Variants in GAK observed in about 807,000 individuals in gnomAD.
GAK encodes cyclin G associated kinase.
GAK carries 79 observed loss-of-function variants against 143.9 expected under a neutral mutation model. That is an observed-to-expected ratio of 0.55 (90% CI 0.46 to 0.66). The LOEUF is 0.66. GAK is among the 30% of genes least tolerant of loss of function. GAK has a pLI of 0.00. For synonymous variants in GAK, 881 were observed against 765.5 expected, an observed-to-expected ratio of 1.15 and a Z score of -2.49; for missense variants, 1,693 against 1,779.7, an observed-to-expected ratio of 0.95 and a Z score of 0.88.
rs569030277 is a variant in GAK, at chr4:896,027, T to A, written c.741+433A>T. On this transcript the variant is annotated intron_variant, in intron 7 of 27. Coordinates refer to ENST00000314167, the MANE Select transcript of GAK (RefSeq NM_005255.4). ...CTGTAATCGCAGCACTTTGGGAGGC[T>A]GAGGCAGGTGGACCGCTTGAGCTCA... Among the ~76,000 whole-genome samples, 44 of 152,286 alleles carry A rather than the reference T, an allele frequency of 2.9e-4. 1 individual carries two copies. In the South Asian group the frequency reaches 8.1e-3, roughly 28 times the overall value.
intron 5 of GAK, among the ~76,000 whole-genome samples, chr4:904,258 CGGG>C (rs1720631140): frequency 9.2e-6 from 1 of 108,396 alleles, no homozygotes; most frequent in African/African-American, 3.7e-5. Context: ...CCTAACCGAG[CGGG>C]ACCCGCACAC....
In GAK at chr4:865,052, G is replaced by A. The variant is rs1349085386; in HGVS notation, c.3166+70C>T. 20 of 1,562,312 alleles carry A rather than the reference G, an allele frequency of 1.3e-5. No individual in the cohort carries two copies. In the South Asian group the frequency reaches 1.4e-4, roughly 11 times the overall value. On this transcript the variant is annotated intron_variant, in intron 23 of 27. Transcript: ENST00000314167. Reference sequence around the variant, plus strand: ...GCAGAGAGGGCCCTGTTACAGGTACGTGTGAAATAGAGACGGGCCACAGCA... The same window carrying A: ...GCAGAGAGGGCCCTGTTACAGGTACATGTGAAATAGAGACGGGCCACAGCA...
intron 9 of GAK, 97 bp from the exon 10 acceptor site, chr4:890,719 T>C (rs577486278): frequency 1.1e-6 from 1 of 919,252 alleles, no homozygotes; most frequent in South Asian, 1.5e-5. Flanking sequence ...TCAGAGCCCA[T>C]CCTTCTGCCC....
At chr4:902,605 A>AAAAAAAAAAAAAAAAAAAAC (rs1180561371) in intron 5 of GAK, among the ~76,000 whole-genome samples, 3 of 130,386 alleles carry the variant, frequency 2.3e-5, no homozygotes, top group East Asian at 2.4e-4. Context: ...TCAAAAAAAA[A>AAAAAAAAAAAAAAAAAAAAC]AAAAAAAAAC....
chr4:909,222 C>T (rs140203264), intron 4 of GAK, among the ~76,000 whole-genome samples: 67 of 152,370 alleles, frequency 4.4e-4, no homozygotes, highest in Middle Eastern at 3.4e-3. Context: ...ACACCACGAG[C>T]GGGAGGCCCC....
At chr4:930,785 A>C (rs1437866267) in intron 1 of GAK, among the ~76,000 whole-genome samples, 1 of 152,164 alleles carries the variant, frequency 6.6e-6, no homozygotes. Context: ...AATCATACCC[A>C]AAATCTGTTT....
At chr4:924,264 A>ACAAGAATG (rs1724343062) in intron 1 of GAK, among the ~76,000 whole-genome samples, 1 of 151,948 alleles carries the variant, frequency 6.6e-6, no homozygotes, top group South Asian at 2.1e-4. Context: ...CTGCACACTC[A>ACAAGAATG]CAAGAATGGA....
chr4:910,112 C>T (rs868466358), intron 4 of GAK, among the ~76,000 whole-genome samples: 20 of 152,250 alleles, frequency 1.3e-4, no homozygotes, highest in Middle Eastern at 6.8e-3. Flanking sequence ...GCCAGGGGCC[C>T]GCAGGCAGTC....
rs1035741119 is a variant in GAK, at chr4:883,326, A to G, written c.1393T>C (p.Phe465Leu). The G allele has an allele frequency of 6.2e-7, 1 of 1,613,202 alleles. No individual in the cohort carries two copies. The highest frequency in any genetic ancestry group is 8.5e-7 in the Non-Finnish European group (1 of 1,179,944). ...CTGTGGCCACACACCCGGTTGTGGA[A>G]CCTGGAGGGCCGGTAGGTCCTCGGG... ...LSPRTYRPSRFHNRVSECGWA... is the reference protein window; with the variant it reads ...LSPRTYRPSRLHNRVSECGWA... The change falls in exon 13 of 28, where the codon TTC (phenylalanine) becomes CTC (leucine). Residue 465 changes from phenylalanine to leucine, a missense_variant. Coordinates refer to ENST00000314167, the MANE Select transcript of GAK (RefSeq NM_005255.4).
rs541604803 is a variant in GAK, at chr4:932,254, T to C, written c.-67A>G. The C allele has an allele frequency of 1.2e-4, 176 of 1,456,538 alleles. No homozygotes were observed. In the African/African-American group the frequency reaches 2.1e-3, roughly 18 times the overall value. 90.2% of individuals were successfully genotyped at this position (1,456,538 alleles called of 1,614,324 possible). A position where few individuals can be genotyped will look rare whatever the true frequency, so the allele number is the denominator to read the frequency against. ...GGCTCGGGCTCCCGCTCCCTCGCCG[T>C]CCGGGTCAGCTCAGCAACCGCCGGC... On this transcript the variant is annotated 5_prime_UTR_variant, in exon 1 of 28. Coordinates refer to ENST00000314167, the MANE Select transcript of GAK (RefSeq NM_005255.4). This position sits in a 1 kb window ranked among gnomAD's most constrained non-coding sequence, Gnocchi z 4.0.
Position 877,651 on chromosome 4 carries a change from C to A in GAK, c.1820G>T (p.Arg607Leu). Residue 607 changes from arginine to leucine, a missense_variant, in exon 16 of 28, where the codon CGT becomes CTT. Physicochemically the swap from Arg to Leu is moderately radical, Grantham distance 102. Transcript: ENST00000314167. ...PFCEVYVGDE[R>L]VASTSQEYDK... ...GTACTCCTGGGAGGTGCTGGCCACA[C>A]GCTCGTCCCCCACGTAGACCTCGCA... The A allele has an allele frequency of 6.2e-7, 1 of 1,605,934 alleles. No individual in the cohort carries two copies. Among genetic ancestry groups the A allele is most frequent in the Non-Finnish European group, 8.5e-7 (1 of 1,175,564 alleles).
chr4:874,072 T>C (rs1713288181), intron 18 of GAK, among the ~76,000 whole-genome samples: 1 of 152,206 alleles, frequency 6.6e-6, no homozygotes, highest in African/African-American at 2.4e-5. Flanking sequence ...CTCTGCTTCC[T>C]GGTGATGGAG....
intron 10 of GAK, among the ~76,000 whole-genome samples, 164 bp from the exon 11 acceptor site, chr4:889,134 C>T (rs1260409338): frequency 6.6e-6 from 1 of 152,004 alleles, no homozygotes; most frequent in East Asian, 1.9e-4. Flanking sequence ...GCAGCAGGAG[C>T]AGGGAGTGGG....
chr4:895,265 A>C (rs1183278786), intron 7 of GAK, among the ~76,000 whole-genome samples: 1 of 152,180 alleles, frequency 6.6e-6, no homozygotes, highest in African/African-American at 2.4e-5. Context: ...ACAATCAGCG[A>C]CTTCTCGTCA....
chr4:900,593 C>T (rs946990375), intron 5 of GAK, among the ~76,000 whole-genome samples: 4 of 152,152 alleles, frequency 2.6e-5, no homozygotes, highest in Non-Finnish European at 4.4e-5. Context: ...CTCAGAGACT[C>T]CTCAGGAAGA....
Position 849,422 on chromosome 4 carries a change from AC to A in GAK, c.*250del, listed in dbSNP as rs1747655465. 1.8e-6 allele frequency: 1 copy of A among 547,522 alleles called. No homozygotes were observed. The allele number at this position is 547,522 out of a possible 1,614,324, so 33.9% of individuals were successfully genotyped here. A position where few individuals can be genotyped will look rare whatever the true frequency, so the allele number is the denominator to read the frequency against. On this transcript the variant is annotated 3_prime_UTR_variant, in exon 28 of 28. Transcript: ENST00000314167. ...CCACGCCCGAAACACCAAATAAATC[AC>A]AGACGTGACAATTGCGGGAGGAGCA...
At position 864,617 on chromosome 4, in the gene GAK, C is replaced by G. The variant is rs112647026; in HGVS notation, c.3166+505G>C. Among the ~76,000 whole-genome samples, 45 of 152,266 alleles carry G rather than the reference C, an allele frequency of 3.0e-4. 1 individual carries two copies. Among genetic ancestry groups the G allele is most frequent in the African/African-American group, 9.9e-4 (41 of 41,560 alleles). ...AGACACGACTGCTGTACGTGACCCCCTTCCTGACAGGGCACGGGGCGTCGC... is the reference window on the plus strand; with the variant it reads ...AGACACGACTGCTGTACGTGACCCCGTTCCTGACAGGGCACGGGGCGTCGC... On this transcript the variant is annotated intron_variant, in intron 23 of 27. Coordinates refer to ENST00000314167, the MANE Select transcript of GAK (RefSeq NM_005255.4).
intron 18 of GAK, among the ~76,000 whole-genome samples, chr4:874,642 G>A (rs1374173348): frequency 6.6e-6 from 1 of 151,622 alleles, no homozygotes; most frequent in Non-Finnish European, 1.5e-5. Flanking sequence ...ATGCTCTGAG[G>A]TACTGAACCT....
chr4:851,588 G>C, intron 25 of GAK, 162 bp downstream of exon 25: 1 of 686,076 alleles, frequency 1.5e-6, no homozygotes, highest in East Asian at 2.7e-5. Context: ...CCCAGAGAGA[G>C]ACCAGTGAAC....
Sources: gnomAD v4.1 joint callset for allele counts (sites outside exome capture counted in the v4.1 genomes callset) on GRCh38, gnomAD v4.1.1 for gene constraint, Gnocchi (gnomAD v3.1) non-coding constraint, MANE v1.5 for transcripts, NCBI Gene and HGNC (gene_info 2026-07-23, HGNC 2026-07-21) for gene names.